Variants in LRRCC1 observed in about 807,000 individuals in gnomAD.
The protein encoded by LRRCC1 is leucine-rich repeat and coiled-coil domain-containing protein 1.
LRRCC1 carries 115 observed loss-of-function variants against 126.0 expected under a neutral mutation model. The observed-to-expected ratio is 0.91, with a 90% CI of 0.78 to 1.07. The LOEUF is 1.07. Ranked by LOEUF, LRRCC1 falls within the 50% of genes least tolerant of loss-of-function variation. The probability of loss-of-function intolerance (pLI) is 0.00; values close to 1 mark genes in which losing one functional copy is unlikely to be tolerated. For synonymous variants in LRRCC1, 400 were observed against 393.4 expected, an observed-to-expected ratio of 1.02 and a Z score of -0.20; for missense variants, 1,172 against 1,175.7, an observed-to-expected ratio of 1.00 and a Z score of 0.05.
intron 17 of LRRCC1, among the ~76,000 whole-genome samples, chr8:85,139,010 C>T (rs1370489730): frequency 6.6e-6 from 1 of 151,880 alleles, no homozygotes; most frequent in Non-Finnish European, 1.5e-5. Flanking sequence ...CACACCATTG[C>T]ACTCCAGCCT....
intron 12 of LRRCC1, among the ~76,000 whole-genome samples, chr8:85,133,536 A>T (rs1449258092): frequency 1.3e-5 from 2 of 152,122 alleles, no homozygotes; most frequent in African/African-American, 4.8e-5. Context: ...TTCACTGCTA[A>T]TTTTACCCCC....
At chr8:85,141,317 C>A in intron 17 of LRRCC1, 65 bp from the exon 18 acceptor site, 1 of 1,332,714 alleles carries the variant, frequency 7.5e-7, no homozygotes, top group Non-Finnish European at 1.0e-6. Flanking sequence ...GAAGAAATAA[C>A]ATCCTAATCT....
intron 6 of LRRCC1, 61 bp from the exon 7 acceptor site, chr8:85,123,352 C>A: frequency 9.1e-7 from 1 of 1,095,938 alleles, no homozygotes; most frequent in Non-Finnish European, 1.3e-6. Context: ...CAGAAGATTT[C>A]CAATTTCAAT....
At chr8:85,143,097 G>T (rs1402940303) in intron 18 of LRRCC1, among the ~76,000 whole-genome samples, 1 of 152,130 alleles carries the variant, frequency 6.6e-6, no homozygotes, top group East Asian at 1.9e-4. Context: ...GGCTGAGGCG[G>T]CTGGATCACC....
intron 18 of LRRCC1, among the ~76,000 whole-genome samples, chr8:85,144,913 A>T (rs1811555684): frequency 6.9e-6 from 1 of 145,308 alleles, no homozygotes; most frequent in Non-Finnish European, 1.5e-5. Context: ...TACTAAAAAT[A>T]AAAAAAAAAT....
At chr8:85,132,644 C>A (rs578051500) in intron 12 of LRRCC1, among the ~76,000 whole-genome samples, 1 of 152,144 alleles carries the variant, frequency 6.6e-6, no homozygotes, top group African/African-American at 2.4e-5. Context: ...CCGCCTGCCT[C>A]GGCCTCCCAA....
At chr8:85,126,333 G>A (rs1489001731) in intron 8 of LRRCC1, among the ~76,000 whole-genome samples, 1 of 152,078 alleles carries the variant, frequency 6.6e-6, no homozygotes, top group Non-Finnish European at 1.5e-5. Flanking sequence ...GAGGTGGGTG[G>A]ATCACTTGAG....
rs1222237622 is a variant in LRRCC1, at chr8:85,131,778, G to T, written c.1785G>T (p.Arg595Ser). 1.9e-6 allele frequency: 3 copies of T among 1,612,486 alleles called. No homozygotes were observed. The highest frequency in any genetic ancestry group is 2.5e-6 in the Non-Finnish European group (3 of 1,179,474). ...EQEHRKELET[R>S]EFFTDADFQD... ...ACTCCAGGAAGGAACTTGAAACAAG[G>T]GAGTTTTTTACTGATGCTGACTTCC... Residue 595 changes from arginine (R) to serine (S), a missense_variant, in exon 12 of 19, where the codon AGG becomes AGT. Transcript: ENST00000360375.
Position 85,115,472 on chromosome 8 carries a change from T to C in LRRCC1, c.818T>C (p.Phe273Ser), listed in dbSNP as rs751132932. 45 of 1,613,542 alleles carry C rather than the reference T, an allele frequency of 2.8e-5. No individual in the cohort carries two copies. The highest frequency in any genetic ancestry group is 3.6e-5 in the Non-Finnish European group (42 of 1,179,686). Residue 273 changes from phenylalanine to serine, a missense_variant, in exon 6 of 19, where the codon TTT becomes TCT. Transcript: ENST00000360375. ...STPSDAVLTS[F>S]MSVCQSSEPE... Reference sequence around the variant, plus strand: ...CCAAGTGATGCTGTGTTGACGTCTTTTATGTCTGTGTGTCAATCTTCTGAG... The same window carrying C: ...CCAAGTGATGCTGTGTTGACGTCTTCTATGTCTGTGTGTCAATCTTCTGAG...
At chr8:85,144,468 ATATATATTT>A (rs1323369900) in intron 18 of LRRCC1, among the ~76,000 whole-genome samples, 2,488 of 40,362 alleles carry the variant, frequency 0.062, 20 homozygotes, top group African/African-American at 0.13. Context: ...ATATATATAT[ATATATATTT>A]TTTTTTTTTT....
At chr8:85,127,277 C>T (rs944822320) in intron 9 of LRRCC1, among the ~76,000 whole-genome samples, 11 of 150,524 alleles carry the variant, frequency 7.3e-5, no homozygotes, top group Admixed American at 6.7e-5. Flanking sequence ...CTCACCATTA[C>T]GTCTCCCATT....
intron 3 of LRRCC1, among the ~76,000 whole-genome samples, chr8:85,110,554 G>A (rs1808628308): frequency 6.6e-6 from 1 of 152,230 alleles, no homozygotes; most frequent in Non-Finnish European, 1.5e-5. Flanking sequence ...GCAGCCAGTA[G>A]CCAAATGTGG....
At chr8:85,145,141 G>A (rs1341368765) in intron 18 of LRRCC1, among the ~76,000 whole-genome samples, 1 of 116,180 alleles carries the variant, frequency 8.6e-6, no homozygotes, top group African/African-American at 3.2e-5. Context: ...ATATAGCCAT[G>A]TCTTTTTCAC....
At chr8:85,136,235 G>A (rs1173285812) in intron 14 of LRRCC1, among the ~76,000 whole-genome samples, 2 of 151,934 alleles carry the variant, frequency 1.3e-5, no homozygotes, top group Non-Finnish European at 2.9e-5. Context: ...TGAACCATGG[G>A]TGCTTTTACA....
At position 85,112,991 on chromosome 8, in the gene LRRCC1, C is replaced by T. The variant is rs756594316; in HGVS notation, c.436C>T (p.Arg146Cys). Residue 146 changes from arginine to cysteine, a missense_variant, in exon 4 of 19, where the codon CGT (arginine) becomes TGT (cysteine). Physicochemically the swap from Arg to Cys is radical, Grantham distance 180 (BLOSUM62 -3). Coordinates refer to ENST00000360375, the MANE Select transcript of LRRCC1 (RefSeq NM_033402.5). ...TAGATATATTGATCTACATAGTAATCGTATAGATAGTATCCATCACTTACT... is the reference window on the plus strand; with the variant it reads ...TAGATATATTGATCTACATAGTAATTGTATAGATAGTATCCATCACTTACT... ...KLRYIDLHSN[R>C]IDSIHHLLQC... 128 of 1,600,866 alleles carry T rather than the reference C, an allele frequency of 8.0e-5. 2 individuals carry two copies. In the South Asian group the frequency reaches 8.1e-4, roughly 10 times the overall value.
In LRRCC1 at chr8:85,107,602, C is replaced by T. The variant is rs554606253; in HGVS notation, c.104+203C>T. 1.4e-3 allele frequency: 682 copies of T among 474,552 alleles called. 4 individuals carry two copies. The highest frequency in any genetic ancestry group is 1.5e-4 in the Non-Finnish European group (39 of 267,406). 29.4% of individuals were successfully genotyped at this position (474,552 alleles called of 1,614,324 possible). A position where few individuals can be genotyped will look rare whatever the true frequency, so the allele number is the denominator to read the frequency against. ...GAATGAGCCGTGGATGCCTTCCCGC[C>T]CGTGTCTCCTGCCCAGCGTTTCACA... On this transcript the variant is annotated intron_variant, in intron 1 of 18. Coordinates refer to ENST00000360375, the MANE Select transcript of LRRCC1 (RefSeq NM_033402.5).
chr8:85,112,366 G>A (rs1404927301), intron 3 of LRRCC1, among the ~76,000 whole-genome samples: 1 of 152,190 alleles, frequency 6.6e-6, no homozygotes, highest in Non-Finnish European at 1.5e-5. Flanking sequence ...AAGAGAAGCT[G>A]TAAGTGCTTG....
At chr8:85,134,724 C>G (rs1019041181) in intron 12 of LRRCC1, 123 bp from the exon 13 acceptor site, 3 of 616,024 alleles carry the variant, frequency 4.9e-6, no homozygotes, top group Non-Finnish European at 8.0e-6. Context: ...CTGGAAATTA[C>G]TAGATTGAAA....
rs192756654 is a variant in LRRCC1, at chr8:85,117,217, T to C, written c.930+1633T>C. On this transcript the variant is annotated intron_variant, in intron 6 of 18. Transcript: ENST00000360375. ...GAAGATCCAGAGTTTAAATCATTTA[T>C]TTAAAAGTACTTTATTTGCAAGATA... 7.2e-4 allele frequency among the ~76,000 whole-genome samples: 110 copies of C among 152,332 alleles called. 1 individual carries two copies. The highest frequency in any genetic ancestry group is 2.6e-3 in the African/African-American group (107 of 41,580).
Sources: allele counts gnomAD v4.1 joint callset (sites outside exome capture counted in the v4.1 genomes callset), GRCh38; gene constraint gnomAD v4.1.1; transcripts MANE v1.5; gene names NCBI Gene and HGNC (gene_info 2026-07-23, HGNC 2026-07-21).